Variants in C6orf62 observed in about 807,000 individuals in gnomAD.
C6orf62 encodes chromosome 6 open reading frame 62, also known as uncharacterized protein C6orf62.
A neutral mutation model predicts 26.8 loss-of-function variants in C6orf62; 16 were observed. That is an observed-to-expected ratio of 0.60 (90% CI 0.40 to 0.91). The LOEUF is 0.91. Ranked by LOEUF, C6orf62 falls within the 40% of genes least tolerant of loss-of-function variation. C6orf62 has a pLI of 0.00. For synonymous variants in C6orf62, 112 were observed against 91.5 expected, an observed-to-expected ratio of 1.22 and a Z score of -1.28; for missense variants, 192 against 271.4, an observed-to-expected ratio of 0.71 and a Z score of 2.06.
intron 4 of C6orf62, 46 bp from the exon 5 acceptor site, chr6:24,706,308 G>A (rs1267818107): frequency 2.5e-6 from 4 of 1,604,508 alleles, no homozygotes; most frequent in Non-Finnish European, 3.4e-6. Flanking sequence ...TAAGACTTTA[G>A]CGTAACTGTC....
chr6:24,718,152 A>G (rs1031320086), intron 1 of C6orf62, among the ~76,000 whole-genome samples: 1 of 152,236 alleles, frequency 6.6e-6, no homozygotes, highest in East Asian at 1.9e-4. Flanking sequence ...AAACTTTAGC[A>G]TATAAACAGT....
intron 3 of C6orf62, 79 bp from the exon 4 acceptor site, chr6:24,708,990 G>A (rs1779069381): frequency 1.9e-6 from 3 of 1,565,310 alleles, no homozygotes; most frequent in Admixed American, 2.0e-5. Flanking sequence ...TAGCTGTGCT[G>A]TCCAATAAAG....
At chr6:24,707,200 TAAC>T (rs1423295513) in intron 4 of C6orf62, 2 of 152,338 alleles carry the variant, frequency 1.3e-5, no homozygotes, top group East Asian at 1.9e-4. Flanking sequence ...ACGTTAAATT[TAAC>T]AACCTTAGGA....
intron 1 of C6orf62, among the ~76,000 whole-genome samples, chr6:24,717,680 G>C (rs1033568116): frequency 3.9e-5 from 6 of 152,162 alleles, no homozygotes; most frequent in Non-Finnish European, 8.8e-5. Flanking sequence ...AAAACTTCCA[G>C]ATACTTAATA....
In C6orf62 at chr6:24,704,929, CTTTTTTTT is replaced by C. The variant is rs201072095; in HGVS notation, c.*1200_*1207del. ...ATTTAGGTTTTCTTTTTCTTTTTTT[CTTTTTTTT>C]TCAAATTCCAACCAGAAGCTAAATA... On this transcript the variant is annotated 3_prime_UTR_variant, in exon 5 of 5. Transcript: ENST00000378119. 16 of 150,094 alleles carry C rather than the reference CTTTTTTTT, an allele frequency of 1.1e-4. No individual in the cohort carries two copies. The highest frequency in any genetic ancestry group is 1.9e-4 in the Non-Finnish European group (13 of 67,280). The allele number at this position is 150,094 out of a possible 1,614,324, so 9.3% of individuals were successfully genotyped here.
In C6orf62 at chr6:24,708,788, G is replaced by A; in HGVS notation, c.553C>T (p.Gln185Ter). 6.2e-7 allele frequency: 1 copy of A among 1,614,202 alleles called. No individual in the cohort carries two copies. The highest frequency in any genetic ancestry group is 8.5e-7 in the Non-Finnish European group (1 of 1,180,038). ...AAAAAGCTGCTTACCTGCAAGTGCT[G>A]TCTGTCAATGAAGAGAAACACTGAC... ...NQSVFLFIDR[Q>*]HLQTPKNKAT... Residue 185 changes from glutamine (Q) to a stop codon, truncating the protein, a stop_gained, in exon 4 of 5, where the codon CAG becomes TAG. Transcript: ENST00000378119. LOFTEE classifies it high-confidence loss of function.
At chr6:24,717,318 C>G (rs1779254930) in intron 1 of C6orf62, among the ~76,000 whole-genome samples, 1 of 152,208 alleles carries the variant, frequency 6.6e-6, no homozygotes. Context: ...ACTGTATCAT[C>G]TTCAACTAAA....
chr6:24,707,546 A>C (rs916471532), intron 4 of C6orf62, among the ~76,000 whole-genome samples: 2 of 151,782 alleles, frequency 1.3e-5, no homozygotes, highest in African/African-American at 4.8e-5. Context: ...TTTTGTAGAG[A>C]TGTCGTCTCA....
At chr6:24,712,255 G>A (rs953692511) in intron 3 of C6orf62, among the ~76,000 whole-genome samples, 3 of 151,932 alleles carry the variant, frequency 2.0e-5, no homozygotes, top group Admixed American at 6.6e-5. Context: ...CATAGCATGC[G>A]CCTATAATCC....
chr6:24,720,446 G>T, upstream of C6orf62: 1 of 1,088,470 alleles, frequency 9.2e-7, no homozygotes, highest in East Asian at 5.2e-5. Context: ...CCATAGTCTG[G>T]CTCGGCGCCC....
At chr6:24,717,575 C>CTT (rs968343714) in intron 1 of C6orf62, among the ~76,000 whole-genome samples, 2 of 152,200 alleles carry the variant, frequency 1.3e-5, no homozygotes, top group African/African-American at 4.8e-5. Flanking sequence ...AGGAGGATCA[C>CTT]TTTAGCCCAG....
intron 4 of C6orf62, 44 bp downstream of exon 4, chr6:24,708,733 G>C (rs1562167974): frequency 6.2e-7 from 1 of 1,612,394 alleles, no homozygotes; most frequent in South Asian, 1.1e-5. Context: ...TAACCAATAA[G>C]TTTTTGAATG....
At position 24,708,580 on chromosome 6, in the gene C6orf62, T is replaced by C. The variant is rs563398376; in HGVS notation, c.564+197A>G. Among the ~76,000 whole-genome samples, 16 of 152,258 alleles carry C rather than the reference T, an allele frequency of 1.1e-4. No homozygotes were observed. The East Asian group carries it at 2.9e-3, about 28-fold the overall frequency. ...CTGGAATTCCTGAGCTCAAGCAATA[T>C]GCCCGCCTCGGCTTTCCAAAGTGCT... On this transcript the variant is annotated intron_variant, in intron 4 of 4. Coordinates refer to ENST00000378119, the MANE Select transcript of C6orf62 (RefSeq NM_030939.5).
chr6:24,704,862 T>C lies in C6orf62; in HGVS notation c.*1275A>G, dbSNP rs186349197. On this transcript the variant is annotated 3_prime_UTR_variant, in exon 5 of 5. Transcript: ENST00000378119. Reference sequence around the variant, plus strand: ...AAAGAAAAAGTTAACACTTCAAACTTTGTGTATTCACCTGAATAGTCAGGG... The same window carrying C: ...AAAGAAAAAGTTAACACTTCAAACTCTGTGTATTCACCTGAATAGTCAGGG... 57 of 152,376 alleles carry C rather than the reference T, an allele frequency of 3.7e-4. No homozygotes were observed. The highest frequency in any genetic ancestry group is 7.2e-4 in the Admixed American group (11 of 15,302). The allele number at this position is 152,376 out of a possible 1,614,324, so 9.4% of individuals were successfully genotyped here. A position where few individuals can be genotyped will look rare whatever the true frequency, so the allele number is the denominator to read the frequency against.
At chr6:24,716,882 C>T (rs546327693) in intron 1 of C6orf62, among the ~76,000 whole-genome samples, 14 of 152,206 alleles carry the variant, frequency 9.2e-5, no homozygotes, top group Non-Finnish European at 4.4e-5. Flanking sequence ...CGCCACCACA[C>T]CTGGCTAATT....
At chr6:24,709,454 C>T in intron 3 of C6orf62, 4 of 981,818 alleles carry the variant, frequency 4.1e-6, no homozygotes, top group Middle Eastern at 5.3e-4. Context: ...ACCCTAGCTG[C>T]ACAACTCACT....
At chr6:24,708,389 T>C (rs149008416) in intron 4 of C6orf62, among the ~76,000 whole-genome samples, 41 of 152,282 alleles carry the variant, frequency 2.7e-4, no homozygotes, top group Middle Eastern at 6.8e-3. Context: ...CGTTCTGTCA[T>C]TCAAGCTGGA....
At chr6:24,708,613 C>T (rs757897069) in intron 4 of C6orf62, among the ~76,000 whole-genome samples, 164 bp downstream of exon 4, 6 of 152,218 alleles carry the variant, frequency 3.9e-5, no homozygotes, top group Admixed American at 6.5e-5. Context: ...GCTGGGATTA[C>T]AGGCATGAGC....
chr6:24,709,404 CT>C, intron 3 of C6orf62: 1 of 979,674 alleles, frequency 1.0e-6, no homozygotes, highest in Non-Finnish European at 1.2e-6. Flanking sequence ...TTGTTAATTG[CT>C]GTTTCTAAGA....
Sources: gnomAD v4.1 joint callset for allele counts (sites outside exome capture counted in the v4.1 genomes callset) on GRCh38, gnomAD v4.1.1 for gene constraint, MANE v1.5 for transcripts, NCBI Gene and HGNC (gene_info 2026-07-23, HGNC 2026-07-21) for gene names.